ATP8A2: variants seen among roughly 807,000 people sequenced by gnomAD.
The protein encoded by ATP8A2 is ATPase phospholipid transporting 8A2.
ATP8A2 carries 100 observed loss-of-function variants against 165.6 expected under a neutral mutation model. That is an observed-to-expected ratio of 0.60 (90% CI 0.51 to 0.71). ATP8A2 has a LOEUF of 0.71. Ranked by LOEUF, ATP8A2 falls within the 30% of genes least tolerant of loss-of-function variation. The pLI, the probability that ATP8A2 is intolerant of heterozygous loss-of-function variation, is 0.00. For synonymous variants in ATP8A2, 543 were observed against 548.8 expected (o/e 0.99, Z 0.15); for missense variants, 1,227 against 1,479.5 (o/e 0.83, Z 2.80).
intron 30 of ATP8A2, among the ~76,000 whole-genome samples, chr13:25,851,335 A>G (rs375836004): frequency 6.6e-6 from 1 of 152,180 alleles, no homozygotes; most frequent in Non-Finnish European, 1.5e-5. Flanking sequence ...TAATCCCAGC[A>G]CTTTGGGAGG....
chr13:26,004,770 A>C (rs1202270382), intron 35 of ATP8A2, among the ~76,000 whole-genome samples: 3 of 151,888 alleles, frequency 2.0e-5, no homozygotes, highest in Admixed American at 1.3e-4. Context: ...TTTATATTTC[A>C]TTTTGTTAAT....
At position 25,957,645 on chromosome 13, in the gene ATP8A2, G is replaced by A. The variant is rs571956477; in HGVS notation, c.3184-3930G>A. Among the ~76,000 whole-genome samples the A allele has an allele frequency of 2.0e-3, 299 of 152,280 alleles. 1 individual carries two copies. The Middle Eastern group carries it at 0.034, about 17-fold the overall frequency. ...TGCTGGAGAGGATGTGGAGAAATAG[G>A]AACGCTTTTACACTGTTGGTGGGAG... On this transcript the variant is annotated intron_variant, in intron 33 of 36. Transcript: ENST00000381655.
intron 1 of ATP8A2, among the ~76,000 whole-genome samples, chr13:25,379,241 C>A (rs754393758): frequency 6.6e-6 from 1 of 152,196 alleles, no homozygotes; most frequent in Non-Finnish European, 1.5e-5. Context: ...TCTAGAGATA[C>A]TGTGTAAGCC....
intron 25 of ATP8A2, among the ~76,000 whole-genome samples, chr13:25,711,980 C>T (rs544263697): frequency 9.6e-4 from 146 of 152,188 alleles, no homozygotes; most frequent in Non-Finnish European, 4.4e-5. Context: ...AGGATTCTGC[C>T]AAGCCCATAT....
intron 33 of ATP8A2, among the ~76,000 whole-genome samples, chr13:25,881,578 G>GGA (rs146413315): frequency 1.3e-5 from 2 of 149,736 alleles, no homozygotes; most frequent in Admixed American, 6.7e-5. Context: ...TGTCCTCCAT[G>GGA]GAGAGAGAGA....
chr13:25,759,169 G>A (rs1455491015), intron 25 of ATP8A2, among the ~76,000 whole-genome samples: 1 of 151,984 alleles, frequency 6.6e-6, no homozygotes, highest in Non-Finnish European at 1.5e-5. Flanking sequence ...CTGAGGTGAA[G>A]GTCAGAACTG....
At position 25,551,457 on chromosome 13, in the gene ATP8A2, C is replaced by T; in HGVS notation, c.1011C>T (p.Tyr337=). The T allele has an allele frequency of 6.2e-7, 1 of 1,613,900 alleles. No homozygotes were observed. Among genetic ancestry groups the T allele is most frequent in the Non-Finnish European group, 8.5e-7 (1 of 1,179,846 alleles). The change falls in exon 11 of 37, where the codon TAC becomes TAT. Residue 337 remains tyrosine (Y), a synonymous_variant. Coordinates refer to ENST00000381655, the MANE Select transcript of ATP8A2 (RefSeq NM_016529.6). ...MALVSSAGAL[Y]WNRSHGEKNW... Reference sequence around the variant, plus strand: ...TGGTGAGCTCGGCGGGGGCCCTGTACTGGAACAGGTCTCATGGTGAAAAGA... The same window carrying T: ...TGGTGAGCTCGGCGGGGGCCCTGTATTGGAACAGGTCTCATGGTGAAAAGA...
At chr13:25,796,335 G>A (rs979907463) in intron 27 of ATP8A2, among the ~76,000 whole-genome samples, 1 of 152,148 alleles carries the variant, frequency 6.6e-6, no homozygotes, top group Admixed American at 6.5e-5. Flanking sequence ...CTAATTGTGT[G>A]GTTATGACCT....
At chr13:25,767,322 T>C (rs1201266601) in intron 25 of ATP8A2, among the ~76,000 whole-genome samples, 1 of 152,228 alleles carries the variant, frequency 6.6e-6, no homozygotes, top group Non-Finnish European at 1.5e-5. Context: ...AACTTTCTTT[T>C]AGGCCACATT....
At chr13:25,507,089 A>G (rs1291679926) in intron 2 of ATP8A2, among the ~76,000 whole-genome samples, 1 of 151,946 alleles carries the variant, frequency 6.6e-6, no homozygotes, top group East Asian at 1.9e-4. Context: ...TACCTTACCA[A>G]GAGTCAGAAC....
In ATP8A2 at chr13:26,025,800, A is replaced by G. The variant is rs1349251539; in HGVS notation, c.*5815A>G. The G allele has an allele frequency of 6.6e-6, 1 of 152,174 alleles. No homozygotes were observed. The highest frequency in any genetic ancestry group is 1.5e-5 in the Non-Finnish European group (1 of 68,042). 9.4% of individuals were successfully genotyped at this position (152,174 alleles called of 1,614,324 possible). A position where few individuals can be genotyped will look rare whatever the true frequency, so the allele number is the denominator to read the frequency against. On this transcript the variant is annotated 3_prime_UTR_variant, in exon 37 of 37. Coordinates refer to ENST00000381655, the MANE Select transcript of ATP8A2 (RefSeq NM_016529.6). ...TTTGTGGCTTTGATCAATCCTGTTG[A>G]CTGGTGTATGTCTGCGCAAACCTGT... is the stretch of plus-strand genomic sequence containing the variant.
chr13:25,692,507 C>T (rs9581424), intron 24 of ATP8A2, among the ~76,000 whole-genome samples: 15,942 of 152,236 alleles, frequency 0.1, 963 homozygotes, highest in East Asian at 0.26. Flanking sequence ...ATCTGCAAAT[C>T]GGTAGAAATG....
At chr13:25,937,016 A>G (rs1223312980) in intron 33 of ATP8A2, among the ~76,000 whole-genome samples, 1 of 152,230 alleles carries the variant, frequency 6.6e-6, no homozygotes, top group Admixed American at 6.5e-5. Context: ...CTGTAGACTT[A>G]GTGAACCTAA....
intron 24 of ATP8A2, among the ~76,000 whole-genome samples, chr13:25,691,351 A>G (rs1286179076): frequency 6.6e-6 from 1 of 152,256 alleles, no homozygotes; most frequent in Admixed American, 6.5e-5. Flanking sequence ...TATGTCAGTT[A>G]ATAAAGCTGA....
At chr13:25,850,458 T>C (rs1048752638) in intron 30 of ATP8A2, among the ~76,000 whole-genome samples, 1 of 146,564 alleles carries the variant, frequency 6.8e-6, no homozygotes, top group African/African-American at 2.5e-5. Context: ...GAAATGTTCT[T>C]CCCCCTCTCA....
chr13:25,588,178 G>T (rs553552474), intron 23 of ATP8A2, among the ~76,000 whole-genome samples: 4 of 152,048 alleles, frequency 2.6e-5, no homozygotes, highest in African/African-American at 7.2e-5. Flanking sequence ...ATAATTTTGC[G>T]CTTTAAAATT....
At chr13:25,622,260 T>C (rs2040989140) in intron 24 of ATP8A2, among the ~76,000 whole-genome samples, 1 of 150,306 alleles carries the variant, frequency 6.7e-6, no homozygotes, top group South Asian at 2.1e-4. Flanking sequence ...AAGTTGGAGA[T>C]GTGTCAATAG....
rs763682557 is a variant in ATP8A2 at position 25,577,156 on chromosome 13, G to A, written c.1782+18G>A. 2.0e-5 allele frequency: 33 copies of A among 1,609,808 alleles called. No homozygotes were observed. Among genetic ancestry groups the A allele is most frequent in the Admixed American group, 1.0e-4 (6 of 59,956 alleles). The stretch of plus-strand genomic sequence containing the variant: ...AAGGGGCTGTAAGTACCGGAGAAGC[G>A]TTGTGCGTAGCGGAGTTCTTGGCAG... On this transcript the variant is annotated intron_variant, in intron 20 of 36. Coordinates refer to ENST00000381655, the MANE Select transcript of ATP8A2 (RefSeq NM_016529.6).
intron 27 of ATP8A2, among the ~76,000 whole-genome samples, chr13:25,790,273 C>A (rs1452517038): frequency 6.6e-6 from 1 of 152,114 alleles, no homozygotes; most frequent in South Asian, 2.1e-4. Context: ...AACCTATCTA[C>A]AGAGTAAATA....
Sources: gnomAD v4.1 joint callset for allele counts (sites outside exome capture counted in the v4.1 genomes callset) on GRCh38, gnomAD v4.1.1 for gene constraint, MANE v1.5 for transcripts, NCBI Gene and HGNC (gene_info 2026-07-23, HGNC 2026-07-21) for gene names.